ZBTB10: variants seen among roughly 807,000 people sequenced by gnomAD.
ZBTB10 encodes the protein zinc finger and BTB domain-containing protein 10.
A neutral mutation model predicts 76.4 loss-of-function variants in ZBTB10; 32 were observed. That is an observed-to-expected ratio of 0.42 (90% CI 0.32 to 0.56). The LOEUF is 0.56. ZBTB10 is among the 20% of genes least tolerant of loss of function. The pLI, the probability that ZBTB10 is intolerant of heterozygous loss-of-function variation, is 0.14. For synonymous variants in ZBTB10, 523 were observed against 432.9 expected (o/e 1.21, Z -2.58); for missense variants, 1,057 against 1,098.5 (o/e 0.96, Z 0.53).
In ZBTB10 at chr8:80,517,871, C is replaced by CTTTTTT. The variant is rs773074047; in HGVS notation, c.1961-512_1961-507dup. Among the ~76,000 whole-genome samples the CTTTTTT allele has an allele frequency of 1.4e-3, 106 of 76,840 alleles. 1 individual carries two copies. The highest frequency in any genetic ancestry group is 5.2e-3 in the African/African-American group (87 of 16,580). 50.4% of individuals were successfully genotyped at this position (76,840 alleles called of 152,430 possible). On this transcript the variant is annotated intron_variant, in intron 3 of 5. Transcript: ENST00000455036. Reference sequence around the variant, plus strand: ...CATGTTTTTTTCTCCCGCCCGCCACCTTTTTTTTTTTTTTTTTTTTTTTTT... The same window carrying CTTTTTT: ...CATGTTTTTTTCTCCCGCCCGCCACCTTTTTTTTTTTTTTTTTTTTTTTTTTTTTTT...
In ZBTB10 at chr8:80,499,941, T is replaced by C. The variant is rs1442995847; in HGVS notation, c.1420T>C (p.Ser474Pro). 6.2e-7 allele frequency: 1 copy of C among 1,613,760 alleles called. No individual in the cohort carries two copies. Among genetic ancestry groups the C allele is most frequent in the African/African-American group, 1.3e-5 (1 of 74,910 alleles). Residue 474 changes from serine to proline, a missense_variant, in exon 2 of 6, where the codon TCT (serine) becomes CCT (proline). Transcript: ENST00000455036. The stretch of plus-strand genomic sequence containing the variant: ...AAGCATTAAATCAGAAGCTCCAGAG[T>C]CTGTAGTTGTGGACTATAATAATAG... ...NISIKSEAPE[S>P]VVVDYNNRKP...
In ZBTB10 at chr8:80,499,406, T is replaced by G. The variant is rs1815866269; in HGVS notation, c.973-88T>G. 3.7e-6 allele frequency: 5 copies of G among 1,365,074 alleles called. No homozygotes were observed. In the East Asian group the frequency reaches 1.2e-4, roughly 33 times the overall value. 84.6% of individuals were successfully genotyped at this position (1,365,074 alleles called of 1,614,324 possible). A position where few individuals can be genotyped will look rare whatever the true frequency, so the allele number is the denominator to read the frequency against. ...AATTAATATATTTGATTATCGCTTT[T>G]TAAAAACTTGATAATTGTTTTCCTT... On this transcript the variant is annotated intron_variant, in intron 1 of 5. Coordinates refer to ENST00000455036, the MANE Select transcript of ZBTB10 (RefSeq NM_001105539.3).
In ZBTB10 at chr8:80,487,453, G is replaced by T; in HGVS notation, c.643G>T (p.Gly215Trp). 2 of 1,546,838 alleles carry T rather than the reference G, an allele frequency of 1.3e-6. No individual in the cohort carries two copies. The highest frequency in any genetic ancestry group is 2.4e-5 in the South Asian group (2 of 83,946). ...CAGCAGGCGGTCGGGCGGCGATGGCGGGGACGAAGTGGAGGGCAGCGGTGT... is the reference window on the plus strand; with the variant it reads ...CAGCAGGCGGTCGGGCGGCGATGGCTGGGACGAAGTGGAGGGCAGCGGTGT... ...SSSRRSGGDG[G>W]DEVEGSGVGA... Residue 215 changes from glycine to tryptophan, a missense_variant, in exon 1 of 6, where the codon GGG (glycine) becomes TGG (tryptophan). Gly to Trp is a radical substitution (Grantham distance 184). This residue lies in a region of ZBTB10 where 556 missense variants were observed against 451.7 expected (regional missense o/e 1.23). Transcript: ENST00000455036.
chr8:80,486,951 CCCGCCGCCA>C lies in ZBTB10; in HGVS notation c.142_150del (p.Pro48_Pro50del), dbSNP rs980847127. The C allele has an allele frequency of 1.4e-5, 21 of 1,513,774 alleles. No homozygotes were observed. In the African/African-American group the frequency reaches 2.7e-4, roughly 20 times the overall value. The allele number at this position is 1,513,774 out of a possible 1,614,324, so 93.8% of individuals were successfully genotyped here. A position where few individuals can be genotyped will look rare whatever the true frequency, so the allele number is the denominator to read the frequency against. On this transcript the variant is annotated inframe_deletion, in exon 1 of 6. Transcript: ENST00000455036. Reference sequence around the variant, plus strand: ...CTCCGCAGCCCCAGCCGAGACAGCCCCCGCCGCCAGCGCCGCCCGCGCTTCAGCCGCCTA... The same window carrying C: ...CTCCGCAGCCCCAGCCGAGACAGCCCGCGCCGCCCGCGCTTCAGCCGCCTA...
chr8:80,508,573 A>T (rs1238381121), intron 2 of ZBTB10, among the ~76,000 whole-genome samples: 1 of 152,182 alleles, frequency 6.6e-6, no homozygotes, highest in African/African-American at 2.4e-5. Context: ...ATTATTTAAG[A>T]TGCATGACGG....
rs768607619 is a variant in ZBTB10, at chr8:80,499,961, T to C, written c.1440T>C (p.Asn480=). The C allele has an allele frequency of 1.2e-6, 2 of 1,613,928 alleles. No homozygotes were observed. The highest frequency in any genetic ancestry group is 1.7e-6 in the Non-Finnish European group (2 of 1,179,870). Residue 480 remains asparagine, a synonymous_variant, in exon 2 of 6, where the codon AAT becomes AAC. Transcript: ENST00000455036. ...CAGAGTCTGTAGTTGTGGACTATAA[T>C]AATAGAAAACCAGTTAATAGAGATG... is the stretch of plus-strand genomic sequence containing the variant. ...EAPESVVVDY[N]NRKPVNRDGL...
At chr8:80,501,821 G>T (rs1158005303) in intron 2 of ZBTB10, among the ~76,000 whole-genome samples, 1 of 152,068 alleles carries the variant, frequency 6.6e-6, no homozygotes, top group Non-Finnish European at 1.5e-5. Flanking sequence ...AAGTATTAAG[G>T]GTAGATAGAC....
In ZBTB10 at chr8:80,499,760, A is replaced by T; in HGVS notation, c.1239A>T (p.Ala413=). 1 of 1,614,018 alleles carries T rather than the reference A, an allele frequency of 6.2e-7. No homozygotes were observed. Among genetic ancestry groups the T allele is most frequent in the South Asian group, 1.1e-5 (1 of 91,082 alleles). The change falls in exon 2 of 6, where the codon GCA becomes GCT. Residue 413 remains alanine (A), a synonymous_variant. Coordinates refer to ENST00000455036, the MANE Select transcript of ZBTB10 (RefSeq NM_001105539.3). ...ATACTACCCACTTAGATATTGCTGC[A>T]GTTCAAGGTTTTTCAGTCATCTTGG... ...QNNTTHLDIA[A]VQGFSVILDF...
intron 1 of ZBTB10, among the ~76,000 whole-genome samples, chr8:80,488,839 A>G (rs2131469349): frequency 6.6e-6 from 1 of 152,252 alleles, no homozygotes; most frequent in African/African-American, 2.4e-5. Flanking sequence ...AGCTCTTAGT[A>G]TTCTGTTTAT....
chr8:80,522,853 G>T lies in ZBTB10; in HGVS notation c.*3325G>T, dbSNP rs1585867504. The T allele has an allele frequency of 6.6e-6, 1 of 151,880 alleles. No homozygotes were observed. Among genetic ancestry groups the T allele is most frequent in the Middle Eastern group, 3.4e-3 (1 of 294 alleles). 9.4% of individuals were successfully genotyped at this position (151,880 alleles called of 1,614,324 possible). On this transcript the variant is annotated 3_prime_UTR_variant, in exon 6 of 6. Transcript: ENST00000455036. ...TGGGCATTTATATTAATACAAAATG[G>T]TGTAAACGGCCTGAATATCACTGTA...
rs1045049563 is a variant in ZBTB10, at chr8:80,526,203, A to C, written c.*6675A>C. The C allele has an allele frequency of 6.6e-6, 1 of 152,182 alleles. No homozygotes were observed. Among genetic ancestry groups the C allele is most frequent in the African/African-American group, 2.4e-5 (1 of 41,448 alleles). The allele number at this position is 152,182 out of a possible 1,614,324, so 9.4% of individuals were successfully genotyped here. The stretch of plus-strand genomic sequence containing the variant: ...GTCTATACGTGAAAAAACTAGAAGA[A>C]AAGCCCTGTTGGAGTTTTGATGTAG... On this transcript the variant is annotated 3_prime_UTR_variant, in exon 6 of 6. Transcript: ENST00000455036.
rs772455311 is a variant in ZBTB10 at position 80,518,837 on chromosome 8, C to G, written c.2193C>G (p.Ala731=). The G allele has an allele frequency of 3.7e-6, 6 of 1,612,692 alleles. No homozygotes were observed. The highest frequency in any genetic ancestry group is 3.3e-5 in the South Asian group (3 of 90,816). The change falls in exon 5 of 6, where the codon GCC becomes GCG. Residue 731 remains alanine (A), a synonymous_variant. Transcript: ENST00000455036. ...KLKCPHCSYV[A]KYRRTLKRHL... ...AATGCCCTCATTGTAGCTATGTAGC[C>G]AAATACAGACGAACACTAAAAAGGC...
chr8:80,495,053 C>T (rs760559474), intron 1 of ZBTB10, among the ~76,000 whole-genome samples: 7 of 151,978 alleles, frequency 4.6e-5, no homozygotes, highest in Non-Finnish European at 5.9e-5. Flanking sequence ...GATTATATCA[C>T]TGCTTCTGAA....
intron 1 of ZBTB10, among the ~76,000 whole-genome samples, chr8:80,498,598 T>C (rs1377142061): frequency 6.6e-6 from 1 of 152,218 alleles, no homozygotes; most frequent in Non-Finnish European, 1.5e-5. Flanking sequence ...CATAAAGTTT[T>C]AACTAACATT....
At chr8:80,504,071 T>C (rs767729299) in intron 2 of ZBTB10, among the ~76,000 whole-genome samples, 17 of 152,200 alleles carry the variant, frequency 1.1e-4, no homozygotes, top group Non-Finnish European at 1.8e-4. Flanking sequence ...GTTGCATATT[T>C]AGGACTATGC....
Position 80,487,053 on chromosome 8 carries a change from C to T in ZBTB10, c.243C>T (p.Ala81=), listed in dbSNP as rs1815486532. ...GLEPQDLEAS[A]GPAAGAAEEA... Reference sequence around the variant, plus strand: ...AGCCCCAAGACCTGGAGGCCTCCGCCGGGCCGGCCGCCGGCGCCGCCGAGG... The same window carrying T: ...AGCCCCAAGACCTGGAGGCCTCCGCTGGGCCGGCCGCCGGCGCCGCCGAGG... The change falls in exon 1 of 6, where the codon GCC becomes GCT. Residue 81 remains alanine (A), a synonymous_variant. Coordinates refer to ENST00000455036, the MANE Select transcript of ZBTB10 (RefSeq NM_001105539.3). The T allele has an allele frequency of 6.6e-7, 1 of 1,516,674 alleles. No individual in the cohort carries two copies. The highest frequency in any genetic ancestry group is 8.8e-7 in the Non-Finnish European group (1 of 1,139,310). The allele number at this position is 1,516,674 out of a possible 1,614,324, so 94.0% of individuals were successfully genotyped here.
At position 80,503,498 on chromosome 8, in the gene ZBTB10, ATTAT is replaced by A. The variant is rs112133197; in HGVS notation, c.1861+3141_1861+3144del. Among the ~76,000 whole-genome samples, 104 of 151,324 alleles carry A rather than the reference ATTAT, an allele frequency of 6.9e-4. 2 individuals carry two copies. Among genetic ancestry groups the A allele is most frequent in the African/African-American group, 1.2e-3 (51 of 41,212 alleles). ...TCTGTCGTTGGGAATAGTGTAATTTATTATTTATTTATTTATTTATTTATTTATG... is the reference window on the plus strand; with the variant it reads ...TCTGTCGTTGGGAATAGTGTAATTTATTATTTATTTATTTATTTATTTATG... On this transcript the variant is annotated intron_variant, in intron 2 of 5. Coordinates refer to ENST00000455036, the MANE Select transcript of ZBTB10 (RefSeq NM_001105539.3).
In ZBTB10 at chr8:80,525,220, T is replaced by G. The variant is rs1269055052; in HGVS notation, c.*5692T>G. On this transcript the variant is annotated 3_prime_UTR_variant, in exon 6 of 6. Transcript: ENST00000455036. ...TGGATCTATGTTTAGGTAAGAAAAC[T>G]AAAGGTACTTCAGAATTTAGGCTAT... 6.6e-6 allele frequency: 1 copy of G among 152,112 alleles called. No homozygotes were observed. Among genetic ancestry groups the G allele is most frequent in the African/African-American group, 2.4e-5 (1 of 41,448 alleles). 9.4% of individuals were successfully genotyped at this position (152,112 alleles called of 1,614,324 possible).
chr8:80,508,009 T>C (rs778254481), intron 2 of ZBTB10, among the ~76,000 whole-genome samples: 6 of 152,240 alleles, frequency 3.9e-5, no homozygotes, highest in Non-Finnish European at 7.3e-5. Flanking sequence ...AACCATATGG[T>C]AGGTGAAATA....
Sources: allele counts gnomAD v4.1 joint callset (sites outside exome capture counted in the v4.1 genomes callset), GRCh38; gene constraint gnomAD v4.1.1; regional missense constraint gnomAD v4.1.1; transcripts MANE v1.5; gene names NCBI Gene and HGNC (gene_info 2026-07-23, HGNC 2026-07-21).